The following STAT3 variants were observed in gnomAD, a reference collection of about 807,000 sequenced individuals.
The protein encoded by STAT3 is DNA-binding protein APRF.
STAT3 carries 7 observed loss-of-function variants against 114.3 expected under a neutral mutation model. That is an observed-to-expected ratio of 0.06 (90% CI 0.03 to 0.11). STAT3 has a LOEUF of 0.11. Among genes scored for constraint, STAT3 ranks in the 10% least tolerant of loss-of-function variants. STAT3 has a pLI of 1.00. For missense variants in STAT3, 364 were observed against 960.9 expected, an observed-to-expected ratio of 0.38 and a Z score of 8.21; for synonymous variants, 331 against 354.5, an observed-to-expected ratio of 0.93 and a Z score of 0.74.
intron 21 of STAT3, among the ~76,000 whole-genome samples, chr17:42,321,756 T>C (rs1390931030): frequency 1.3e-5 from 2 of 152,242 alleles, no homozygotes; most frequent in African/African-American, 4.8e-5. Context: ...GGGCATCCTG[T>C]TAACTGCCCT....
intron 1 of STAT3, among the ~76,000 whole-genome samples, chr17:42,372,151 G>A (rs1018700554): frequency 1.3e-5 from 2 of 152,156 alleles, no homozygotes; most frequent in Non-Finnish European, 2.9e-5. Flanking sequence ...TTTGAATATA[G>A]TTTGATAGCT....
Position 42,348,517 on chromosome 17 carries a change from C to G in STAT3, c.-1G>C, listed in dbSNP as rs756099567. The G allele has an allele frequency of 3.7e-6, 6 of 1,613,502 alleles. No individual in the cohort carries two copies. The South Asian group carries it at 6.6e-5, about 18-fold the overall frequency. On this transcript the variant is annotated 5_prime_UTR_variant, in exon 2 of 24. Coordinates refer to ENST00000264657, the MANE Select transcript of STAT3 (RefSeq NM_139276.3). ...GCTGTAGCTGATTCCATTGGGCCAT[C>G]CTGCTAAAATCAGGGGTCCCAACTG...
At position 42,369,321 on chromosome 17, in the gene STAT3, G is replaced by A. The variant is rs139541467; in HGVS notation, c.-24+18958C>T. Among the ~76,000 whole-genome samples, 750 of 152,238 alleles carry A rather than the reference G, an allele frequency of 4.9e-3. 3 individuals are homozygous for A. The highest frequency in any genetic ancestry group is 0.017 in the African/African-American group (708 of 41,542). On this transcript the variant is annotated intron_variant, in intron 1 of 23. Transcript: ENST00000264657. ...GCAGTGAGCTGAAATCGTGCCACCTGCATTCCAGCCTGGGCAATAGAGCAA... is the reference window on the plus strand; with the variant it reads ...GCAGTGAGCTGAAATCGTGCCACCTACATTCCAGCCTGGGCAATAGAGCAA...
rs2081191495 is a variant in STAT3, at chr17:42,314,827, C to T, written c.*918G>A. 1 of 197,206 alleles carries T rather than the reference C, an allele frequency of 5.1e-6. No homozygotes were observed. The highest frequency in any genetic ancestry group is 1.0e-5 in the Non-Finnish European group (1 of 96,074). 12.2% of individuals were successfully genotyped at this position (197,206 alleles called of 1,614,324 possible). On this transcript the variant is annotated 3_prime_UTR_variant, in exon 24 of 24. Transcript: ENST00000264657. ...GAAGGAAGCTGAATGCTTAAAGCAC[C>T]AAGGAGGCTGTTAACTGAAGTTTCT...
rs771738153 is a variant in STAT3 at position 42,331,531 on chromosome 17, C to T, written c.1050G>A (p.Arg350=). The T allele has an allele frequency of 2.0e-5, 33 of 1,613,468 alleles. No homozygotes were observed. Among genetic ancestry groups the T allele is most frequent in the Non-Finnish European group, 2.7e-5 (32 of 1,179,716 alleles). Residue 350 remains arginine (R), a splice_region_variant and synonymous_variant, in exon 11 of 24, where the codon AGG becomes AGA. Transcript: ENST00000264657. The part of the protein sequence containing the change: ...KTGVQFTTKV[R]LLVKFPELNY... Reference sequence around the variant, plus strand: ...TCAACTCAGGGAATTTGACCAGCAACCTATTTAAAAAGAAAAAATCCAAGG... The same window carrying T: ...TCAACTCAGGGAATTTGACCAGCAATCTATTTAAAAAGAAAAAATCCAAGG...
chr17:42,349,829 G>T (rs2082859361), intron 1 of STAT3, among the ~76,000 whole-genome samples: 1 of 152,210 alleles, frequency 6.6e-6, no homozygotes, highest in Admixed American at 6.5e-5. Flanking sequence ...GGCCAAGGCG[G>T]GCAGATCACC....
At chr17:42,354,614 C>A (rs1314663346) in intron 1 of STAT3, among the ~76,000 whole-genome samples, 4 of 150,406 alleles carry the variant, frequency 2.7e-5, no homozygotes, top group African/African-American at 9.8e-5. Context: ...TGAGACCAGC[C>A]TAGCCAATAT....
chr17:42,325,108 C>T, intron 15 of STAT3, 47 bp from the exon 16 acceptor site: 1 of 1,571,822 alleles, frequency 6.4e-7, no homozygotes, highest in Non-Finnish European at 8.8e-7. Context: ...GGGGCTCTCA[C>T]AGCCTTGGAA....
At chr17:42,359,861 C>T (rs965893954) in intron 1 of STAT3, among the ~76,000 whole-genome samples, 2 of 151,844 alleles carry the variant, frequency 1.3e-5, no homozygotes, top group African/African-American at 2.4e-5. Context: ...GAGATCGAGA[C>T]CATCCTGGCT....
At chr17:42,348,304 A>G in intron 2 of STAT3, 85 bp downstream of exon 2, 1 of 1,581,276 alleles carries the variant, frequency 6.3e-7, no homozygotes, top group South Asian at 1.1e-5. Flanking sequence ...TTTTAATGGA[A>G]CAGCAAGGCA....
In STAT3 at chr17:42,348,438, G is replaced by C; in HGVS notation, c.79C>G (p.Pro27Ala). 6.2e-7 allele frequency: 1 copy of C among 1,614,080 alleles called. No individual in the cohort carries two copies. The highest frequency in any genetic ancestry group is 8.5e-7 in the Non-Finnish European group (1 of 1,180,022). Reference sequence around the variant, plus strand: ...GCCAGAAACTGCCGCAGCTCCATTGGGAAGCTGTCACTGTAGAGCTGATGG... The same window carrying C: ...GCCAGAAACTGCCGCAGCTCCATTGCGAAGCTGTCACTGTAGAGCTGATGG... ...QLHQLYSDSF[P>A]MELRQFLAPW... Residue 27 changes from proline (P) to alanine (A), a missense_variant, in exon 2 of 24, where the codon CCA becomes GCA. Transcript: ENST00000264657.
At chr17:42,329,344 G>C (rs1419659799) in intron 14 of STAT3, 66 bp downstream of exon 14, 1 of 1,597,816 alleles carries the variant, frequency 6.3e-7, no homozygotes, top group Non-Finnish European at 8.6e-7. Context: ...GGATTAAGAA[G>C]GATCTTTACC....
intron 1 of STAT3, among the ~76,000 whole-genome samples, chr17:42,354,095 A>C (rs1453646617): frequency 3.9e-5 from 6 of 151,952 alleles, no homozygotes; most frequent in Non-Finnish European, 7.4e-5. Flanking sequence ...TACATAACTA[A>C]GGATTTTTTG....
intron 1 of STAT3, among the ~76,000 whole-genome samples, chr17:42,351,245 A>ATTAT (rs1226892736): frequency 6.6e-6 from 1 of 151,866 alleles, no homozygotes; most frequent in East Asian, 1.9e-4. Context: ...AAAACATATT[A>ATTAT]TTATTTATTT....
intron 3 of STAT3, among the ~76,000 whole-genome samples, chr17:42,345,950 T>C (rs1430692712): frequency 6.6e-6 from 1 of 151,508 alleles, no homozygotes; most frequent in Non-Finnish European, 1.5e-5. Flanking sequence ...CACGGCTTAT[T>C]GCAGCTTCGA....
chr17:42,357,018 C>A (rs1489481011), intron 1 of STAT3, among the ~76,000 whole-genome samples: 1 of 150,850 alleles, frequency 6.6e-6, no homozygotes, highest in Non-Finnish European at 1.5e-5. Flanking sequence ...AAACTCCTGA[C>A]CTGAGGTGAT....
intron 4 of STAT3, among the ~76,000 whole-genome samples, chr17:42,340,506 CAA>C (rs879846177): frequency 2.9e-5 from 4 of 136,766 alleles, no homozygotes; most frequent in African/African-American, 2.7e-5. Flanking sequence ...TCATCTCAAC[CAA>C]AAAAAAAAAA....
chr17:42,381,080 G>C (rs1308413388), intron 1 of STAT3, among the ~76,000 whole-genome samples: 1 of 152,118 alleles, frequency 6.6e-6, no homozygotes, highest in Non-Finnish European at 1.5e-5. Context: ...CCAGAGAAGT[G>C]AAAACAACAG....
rs754306251 is a variant in STAT3 at position 42,314,851 on chromosome 17, CTTTT to C, written c.*890_*893del. 145 of 140,216 alleles carry C rather than the reference CTTTT, an allele frequency of 1.0e-3. No homozygotes were observed. The highest frequency in any genetic ancestry group is 3.5e-3 in the East Asian group (30 of 8,536). 8.7% of individuals were successfully genotyped at this position (140,216 alleles called of 1,614,324 possible). On this transcript the variant is annotated 3_prime_UTR_variant, in exon 24 of 24. Coordinates refer to ENST00000264657, the MANE Select transcript of STAT3 (RefSeq NM_139276.3). ...CCAAGGAGGCTGTTAACTGAAGTTT[CTTTT>C]TTTTTTTTTTTTTTTTGAGACAGAG... is the stretch of plus-strand genomic sequence containing the variant.
Sources: gnomAD v4.1 joint callset for allele counts (sites outside exome capture counted in the v4.1 genomes callset) on GRCh38, gnomAD v4.1.1 for gene constraint, MANE v1.5 for transcripts, NCBI Gene and HGNC (gene_info 2026-07-23, HGNC 2026-07-21) for gene names.